The following FAT2 variants were observed in gnomAD, a reference collection of about 807,000 sequenced individuals.
FAT2 encodes the protein protocadherin Fat 2.
FAT2 carries 150 observed loss-of-function variants against 295.3 expected under a neutral mutation model. That is an observed-to-expected ratio of 0.51 (90% CI 0.44 to 0.58). The LOEUF (loss-of-function observed/expected upper bound fraction) is 0.58. FAT2 is among the 20% of genes least tolerant of loss of function. The pLI, the probability that FAT2 is intolerant of heterozygous loss-of-function variation, is 0.00. For synonymous variants in FAT2, 2,026 were observed against 2,150.3 expected (o/e 0.94, Z 1.60); for missense variants, 4,868 against 5,442.7 (o/e 0.89, Z 3.32).
At position 151,531,410 on chromosome 5, in the gene FAT2, C is replaced by T. The variant is rs938887123; in HGVS notation, c.9811+177G>A. Among the ~76,000 whole-genome samples the T allele has an allele frequency of 6.6e-6, 1 of 152,070 alleles. No individual in the cohort carries two copies. The highest frequency in any genetic ancestry group is 1.5e-5 in the Non-Finnish European group (1 of 68,006). ...AGGGAGGCTCCCACATAAGCTGGCC[C>T]CAGGGTGGAAGGAGGGACCTGGTAC... On this transcript the variant is annotated intron_variant, in intron 14 of 23. Transcript: ENST00000261800. The surrounding 1 kb of genome is among the most constrained non-coding windows in gnomAD (Gnocchi z 5.7).
At chr5:151,541,620 C>T (rs2127604170) in intron 10 of FAT2, among the ~76,000 whole-genome samples, 1 of 152,338 alleles carries the variant, frequency 6.6e-6, no homozygotes, top group East Asian at 1.9e-4. Flanking sequence ...GAAACTCTCT[C>T]ATGGCCACTG....
intron 11 of FAT2, among the ~76,000 whole-genome samples, 172 bp from the exon 12 acceptor site, chr5:151,538,118 G>C (rs1369508625): frequency 6.6e-6 from 1 of 152,080 alleles, no homozygotes; most frequent in Non-Finnish European, 1.5e-5. Context: ...GAGAAGCAGA[G>C]AGAGGGAGGG....
rs1160788627 is a variant in FAT2, at chr5:151,505,126, G to A, written c.*439C>T. 8 of 263,280 alleles carry A rather than the reference G, an allele frequency of 3.0e-5. No individual in the cohort carries two copies. The highest frequency in any genetic ancestry group is 9.3e-5 in the African/African-American group (4 of 43,164). The allele number at this position is 263,280 out of a possible 1,614,324, so 16.3% of individuals were successfully genotyped here. ...TCTAGAGCTCCTCTGTACGGCCCGC[G>A]TAGTGGTTGTCTGTCAGGCACCAAC... On this transcript the variant is annotated 3_prime_UTR_variant, in exon 24 of 24. Transcript: ENST00000261800.
chr5:151,566,081 C>A lies in FAT2; in HGVS notation c.2851G>T (p.Asp951Tyr). The A allele has an allele frequency of 6.2e-7, 1 of 1,614,180 alleles. No homozygotes were observed. Among genetic ancestry groups the A allele is most frequent in the Non-Finnish European group, 8.5e-7 (1 of 1,180,040 alleles). ...GTVLTFLDAS[D>Y]PDLGPAGEVR... is the part of the protein sequence containing the mutation. The stretch of plus-strand genomic sequence containing the variant: ...TCACCTGCGGGGCCCAGGTCAGGAT[C>A]AGAGGCATCCAGAAATGTCAAGACA... Residue 951 changes from aspartate (D) to tyrosine (Y), a missense_variant, in exon 2 of 24, where the codon GAT (aspartate) becomes TAT (tyrosine). Physicochemically the swap from Asp to Tyr is radical, Grantham distance 160 (BLOSUM62 -3). Around this residue, in one of 5 missense-constraint regions of FAT2, gnomAD observed 3,297 missense variants for 3,669.4 expected, o/e 0.90. Transcript: ENST00000261800.
At chr5:151,537,267 A>ATGG (rs889765267) in intron 12 of FAT2, among the ~76,000 whole-genome samples, 3 of 148,944 alleles carry the variant, frequency 2.0e-5, no homozygotes, top group African/African-American at 7.4e-5. Flanking sequence ...TAAGAAGACG[A>ATGG]TGGTGGTGGT....
chr5:151,521,252 C>T (rs764444684), intron 19 of FAT2, 24 bp downstream of exon 19: 180 of 1,575,376 alleles, frequency 1.1e-4, no homozygotes, highest in Middle Eastern at 6.8e-4. Context: ...TGCTGCTCGT[C>T]CCTAGGGAAG....
chr5:151,526,178 T>C (rs1471494501), intron 17 of FAT2, among the ~76,000 whole-genome samples: 1 of 152,218 alleles, frequency 6.6e-6, no homozygotes, highest in Non-Finnish European at 1.5e-5. Flanking sequence ...AAGGGCAATG[T>C]TGGGTCTTAG....
intron 3 of FAT2, among the ~76,000 whole-genome samples, chr5:151,557,749 A>G (rs753514784): frequency 6.6e-6 from 1 of 152,224 alleles, no homozygotes; most frequent in Non-Finnish European, 1.5e-5. Flanking sequence ...TACATCTGAA[A>G]AAGTCCTGAC....
At position 151,534,555 on chromosome 5, in the gene FAT2, G is replaced by C. The variant is rs745987151; in HGVS notation, c.9281C>G (p.Ser3094Trp). The C allele has an allele frequency of 2.5e-6, 4 of 1,613,946 alleles. No individual in the cohort carries two copies. The highest frequency in any genetic ancestry group is 2.2e-5 in the East Asian group (1 of 44,880). ...ATGGAGGGTGATGTCTGCCTGGCAC[G>C]ATCGGCCACCTCCATCCGTCGCCTT... ...VAKATDGGGR[S>W]CQADITLHVE... is the part of the protein sequence containing the mutation. The change falls in exon 13 of 24, where the codon TCG (serine) becomes TGG (tryptophan). Residue 3094 changes from serine to tryptophan, a missense_variant. By Grantham distance (177) the Ser-to-Trp change is radical. This residue lies in a region of FAT2 where 1,046 missense variants were observed against 1,210.1 expected (regional missense o/e 0.86). Coordinates refer to ENST00000261800, the MANE Select transcript of FAT2 (RefSeq NM_001447.3).
rs1561861132 is a variant in FAT2 at position 151,550,868 on chromosome 5, G to A, written c.4300C>T (p.His1434Tyr). 5.0e-6 allele frequency: 8 copies of A among 1,612,512 alleles called. No homozygotes were observed. Among genetic ancestry groups the A allele is most frequent in the Non-Finnish European group, 6.8e-6 (8 of 1,179,682 alleles). Residue 1434 changes from histidine (H) to tyrosine (Y), a missense_variant, in exon 8 of 24, where the codon CAC becomes TAC. Transcript: ENST00000261800. ...TTAATGTTGGCAATCATGAAGATGT[G>A]GACCTAGGGAGGGAGATGAGGGAGA... ...DGSRTIATQV[H>Y]IFMIANINHH...
At chr5:151,518,368 A>ATTATTATTATTATTATTATT (rs775348701) in intron 19 of FAT2, among the ~76,000 whole-genome samples, 8 of 82,382 alleles carry the variant, frequency 9.7e-5, no homozygotes, top group South Asian at 5.8e-4. Context: ...TAATAATAAT[A>ATTATTATTATTATTATTATT]ATAATAATTT....
chr5:151,540,863 TG>T, intron 10 of FAT2, 100 bp from the exon 11 acceptor site: 2 of 1,118,870 alleles, frequency 1.8e-6, no homozygotes, highest in Non-Finnish European at 2.5e-6. Context: ...TTAGAATTGT[TG>T]GGAAAGCAAA....
chr5:151,524,664 A>G (rs1753812796), intron 18 of FAT2, among the ~76,000 whole-genome samples: 1 of 152,194 alleles, frequency 6.6e-6, no homozygotes, highest in African/African-American at 2.4e-5. Flanking sequence ...CAGATAATAC[A>G]GTCATCCAAG....
At position 151,566,420 on chromosome 5, in the gene FAT2, T is replaced by C; in HGVS notation, c.2512A>G (p.Thr838Ala). 3 of 1,613,694 alleles carry C rather than the reference T, an allele frequency of 1.9e-6. No individual in the cohort carries two copies. Among genetic ancestry groups the C allele is most frequent in the Non-Finnish European group, 2.5e-6 (3 of 1,179,754 alleles). ...TCTTTGGTTGTCAGCTCTGCAATTGTGGTTCCAACTTCTGTGTCCTCCGAG... is the reference window on the plus strand; with the variant it reads ...TCTTTGGTTGTCAGCTCTGCAATTGCGGTTCCAACTTCTGTGTCCTCCGAG... The part of the protein sequence containing the change: ...TISEDTEVGT[T>A]IAELTTKDAD... Residue 838 changes from threonine (T) to alanine (A), a missense_variant, in exon 2 of 24, where the codon ACA becomes GCA. Physicochemically the swap from Thr to Ala is moderately conservative, Grantham distance 58. Transcript: ENST00000261800.
chr5:151,556,402 C>T lies in FAT2; in HGVS notation c.3575G>A (p.Gly1192Asp), dbSNP rs1757696537. ...MGFFMIHPVTGLLSTAQQLDR... is the reference protein window; with the variant it reads ...MGFFMIHPVTDLLSTAQQLDR... ...CAGCTGCTGGGCTGTAGATAGGAGA[C>T]CTGAGAGAGAGATGATAAGGGAGAG... Residue 1192 changes from glycine to aspartate, a missense_variant and splice_region_variant, in exon 4 of 24, where the codon GGT (glycine) becomes GAT (aspartate). Gly to Asp is a moderately conservative substitution (Grantham distance 94, BLOSUM62 -1). Transcript: ENST00000261800. The T allele has an allele frequency of 6.2e-7, 1 of 1,612,614 alleles. No homozygotes were observed. Among genetic ancestry groups the T allele is most frequent in the African/African-American group, 1.3e-5 (1 of 74,892 alleles).
rs761554651 is a variant in FAT2, at chr5:151,521,491, G to A, written c.11102C>T (p.Ser3701Phe). ...GTFYEFQELA[S>F]IITHSAKEME... ...CTCCTTGGCTGAGTGAGTGATGATG[G>A]ATGCTAGCTCCTGAAACTCGTAGAA... Residue 3701 changes from serine (S) to phenylalanine (F), a missense_variant, in exon 19 of 24, where the codon TCC becomes TTC. Transcript: ENST00000261800. The A allele has an allele frequency of 1.2e-6, 2 of 1,614,102 alleles. No individual in the cohort carries two copies. Among genetic ancestry groups the A allele is most frequent in the African/African-American group, 2.7e-5 (2 of 74,942 alleles).
chr5:151,571,510 G>A (rs992987482), intron 1 of FAT2, among the ~76,000 whole-genome samples: 3 of 152,342 alleles, frequency 2.0e-5, no homozygotes, highest in African/African-American at 7.2e-5. Flanking sequence ...TGCAGGCGCC[G>A]TTAAGATGAG....
chr5:151,574,173 C>T (rs1274217134), intron 1 of FAT2, among the ~76,000 whole-genome samples: 2 of 152,144 alleles, frequency 1.3e-5, no homozygotes, highest in African/African-American at 4.8e-5. Flanking sequence ...GATCCCTGAC[C>T]TGGGTTCTGG....
At chr5:151,561,976 G>T (rs753936503) in intron 3 of FAT2, among the ~76,000 whole-genome samples, 11 of 152,170 alleles carry the variant, frequency 7.2e-5, no homozygotes, top group Admixed American at 1.3e-4. Flanking sequence ...TTAGGTGAGA[G>T]ATCTCTTCCC....
Sources: allele counts gnomAD v4.1 joint callset (sites outside exome capture counted in the v4.1 genomes callset), GRCh38; gene constraint gnomAD v4.1.1; regional missense constraint gnomAD v4.1.1; non-coding constraint Gnocchi (gnomAD v3.1); transcripts MANE v1.5; gene names NCBI Gene and HGNC (gene_info 2026-07-23, HGNC 2026-07-21).